Variants in LHFPL6 observed in about 807,000 individuals in gnomAD.
LHFPL6 encodes the protein LHFPL tetraspan subfamily member 6, also known as LHFPL tetraspan subfamily member 6 protein.
A neutral mutation model predicts 20.6 loss-of-function variants in LHFPL6; 9 were observed. The ratio of observed to expected loss-of-function variants is 0.44; its 90% CI spans 0.26 to 0.76. The LOEUF is 0.76. Among genes scored for constraint, LHFPL6 ranks in the 30% least tolerant of loss-of-function variants. The pLI is 0.20. For missense variants in LHFPL6, 218 were observed against 253.5 expected (o/e 0.86, Z 0.95); for synonymous variants, 105 against 98.7 (o/e 1.06, Z -0.38).
intron 2 of LHFPL6, among the ~76,000 whole-genome samples, chr13:39,561,709 G>T (rs1223774487): frequency 1.3e-5 from 2 of 152,104 alleles, no homozygotes; most frequent in African/African-American, 4.8e-5. Flanking sequence ...CTCCCACCTA[G>T]GCCTCCCAAA....
At chr13:39,416,257 T>A (rs1871346071) in intron 2 of LHFPL6, among the ~76,000 whole-genome samples, 2 of 152,206 alleles carry the variant, frequency 1.3e-5, no homozygotes, top group Admixed American at 6.5e-5. Context: ...GGAGGGCTGA[T>A]ATGTTTATCT....
intron 2 of LHFPL6, among the ~76,000 whole-genome samples, chr13:39,414,203 G>A (rs1423714571): frequency 6.6e-6 from 1 of 152,118 alleles, no homozygotes; most frequent in Non-Finnish European, 1.5e-5. Flanking sequence ...AGATCACAGG[G>A]TATAAAAGCA....
rs1360076715 is a variant in LHFPL6, at chr13:39,603,143, T to G, written c.-435A>C. 1 of 152,280 alleles carries G rather than the reference T, an allele frequency of 6.6e-6. No homozygotes were observed. Among genetic ancestry groups the G allele is most frequent in the African/African-American group, 2.4e-5 (1 of 41,442 alleles). The allele number at this position is 152,280 out of a possible 1,614,324, so 9.4% of individuals were successfully genotyped here. A position where few individuals can be genotyped will look rare whatever the true frequency, so the allele number is the denominator to read the frequency against. On this transcript the variant is annotated 5_prime_UTR_variant, in exon 1 of 4. Coordinates refer to ENST00000379589, the MANE Select transcript of LHFPL6 (RefSeq NM_005780.3). Reference sequence around the variant, plus strand: ...CGGCGGCAGCTCTGGCGGAGCGCTGTGGGCGCGCGCGGGCGCCGGGGATCG... The same window carrying G: ...CGGCGGCAGCTCTGGCGGAGCGCTGGGGGCGCGCGCGGGCGCCGGGGATCG...
chr13:39,478,823 T>C (rs773548539), intron 2 of LHFPL6, among the ~76,000 whole-genome samples: 1 of 152,114 alleles, frequency 6.6e-6, no homozygotes, highest in South Asian at 2.1e-4. Context: ...GCCTTAGGAA[T>C]TGGACTGAAA....
At chr13:39,458,134 C>G (rs931345399) in intron 2 of LHFPL6, among the ~76,000 whole-genome samples, 17 of 151,998 alleles carry the variant, frequency 1.1e-4, no homozygotes, top group Non-Finnish European at 1.3e-4. Flanking sequence ...TTTCCAATGA[C>G]AGTTTGCCTT....
At chr13:39,478,398 C>T (rs1458556138) in intron 2 of LHFPL6, among the ~76,000 whole-genome samples, 1 of 152,148 alleles carries the variant, frequency 6.6e-6, no homozygotes, top group African/African-American at 2.4e-5. Context: ...GGAAGCTAGA[C>T]ATGAGCACAC....
chr13:39,487,539 G>A (rs570728499), intron 2 of LHFPL6, among the ~76,000 whole-genome samples: 77 of 152,260 alleles, frequency 5.1e-4, no homozygotes, highest in African/African-American at 1.8e-3. Flanking sequence ...GTGTTCTTAC[G>A]AATTAATCAT....
At chr13:39,513,364 C>T (rs1343502457) in intron 2 of LHFPL6, among the ~76,000 whole-genome samples, 1 of 152,180 alleles carries the variant, frequency 6.6e-6, no homozygotes, top group African/African-American at 2.4e-5. Flanking sequence ...CTCTTATACT[C>T]CCAAGTTTGT....
At chr13:39,531,797 A>G (rs1351152922) in intron 2 of LHFPL6, among the ~76,000 whole-genome samples, 1 of 152,166 alleles carries the variant, frequency 6.6e-6, no homozygotes, top group Non-Finnish European at 1.5e-5. Flanking sequence ...ATTACAGAAC[A>G]TAATTGCATA....
chr13:39,349,818 C>T (rs1349531504), intron 3 of LHFPL6, among the ~76,000 whole-genome samples: 1 of 152,072 alleles, frequency 6.6e-6, no homozygotes, highest in Non-Finnish European at 1.5e-5. Context: ...GAACAGTATG[C>T]TTGGAGTGAG....
At chr13:39,501,866 A>G (rs1265076994) in intron 2 of LHFPL6, among the ~76,000 whole-genome samples, 1 of 152,214 alleles carries the variant, frequency 6.6e-6, no homozygotes, top group South Asian at 2.1e-4. Context: ...CCAAGAGTCA[A>G]GCAATTAACA....
At chr13:39,460,371 CATGGTGGAAATGGTTAATT>C (rs773863146) in intron 2 of LHFPL6, among the ~76,000 whole-genome samples, 1 of 152,128 alleles carries the variant, frequency 6.6e-6, no homozygotes, top group African/African-American at 2.4e-5. Context: ...CAACAAGAAC[CATGGTGGAAATGGTTAATT>C]ATGGTGGAAA....
intron 2 of LHFPL6, among the ~76,000 whole-genome samples, chr13:39,546,856 T>C (rs1427005425): frequency 6.6e-6 from 1 of 152,056 alleles, no homozygotes; most frequent in Non-Finnish European, 1.5e-5. Context: ...CACTCTCAAA[T>C]CCCGTGCTGC....
chr13:39,416,031 A>C (rs1328658963), intron 2 of LHFPL6, among the ~76,000 whole-genome samples: 3 of 152,246 alleles, frequency 2.0e-5, no homozygotes, highest in African/African-American at 7.2e-5. Context: ...AAATGAAGAA[A>C]TGTCCAAGAA....
chr13:39,477,224 G>A lies in LHFPL6; in HGVS notation c.386-98698C>T, dbSNP rs143989924. ...GCCCAGACTCCTCCTTCGTGACTCTGAAGCCTTTTCTAACTATTCCATCTT... is the reference window on the plus strand; with the variant it reads ...GCCCAGACTCCTCCTTCGTGACTCTAAAGCCTTTTCTAACTATTCCATCTT... On this transcript the variant is annotated intron_variant, in intron 2 of 3. Transcript: ENST00000379589. Among the ~76,000 whole-genome samples, 8 of 152,134 alleles carry A rather than the reference G, an allele frequency of 5.3e-5. No homozygotes were observed. The East Asian group carries it at 1.5e-3, about 29-fold the overall frequency.
chr13:39,562,389 CATAT>C lies in LHFPL6; in HGVS notation c.385+38439_385+38442del, dbSNP rs111450691. Among the ~76,000 whole-genome samples, 6 of 40,446 alleles carry C rather than the reference CATAT, an allele frequency of 1.5e-4. 1 individual carries two copies. Among genetic ancestry groups the C allele is most frequent in the Non-Finnish European group, 2.3e-4 (4 of 17,584 alleles). 26.5% of individuals were successfully genotyped at this position (40,446 alleles called of 152,430 possible). A position where few individuals can be genotyped will look rare whatever the true frequency, so the allele number is the denominator to read the frequency against. On this transcript the variant is annotated intron_variant, in intron 2 of 3. Transcript: ENST00000379589. ...ATACATATATACATATATACATATA[CATAT>C]ATATACATATATACACATATACACA...
intron 3 of LHFPL6, among the ~76,000 whole-genome samples, chr13:39,353,332 A>T (rs967397841): frequency 2.6e-5 from 4 of 152,156 alleles, no homozygotes; most frequent in Non-Finnish European, 4.4e-5. Context: ...GATTTGTCAT[A>T]TGCCTATAAA....
intron 3 of LHFPL6, among the ~76,000 whole-genome samples, chr13:39,376,069 C>T (rs1335741105): frequency 6.6e-6 from 1 of 152,078 alleles, no homozygotes; most frequent in African/African-American, 2.4e-5. Context: ...AAGTTTTATT[C>T]CACAATGCTG....
chr13:39,444,182 AAGC>A, intron 2 of LHFPL6, among the ~76,000 whole-genome samples: 1 of 152,308 alleles, frequency 6.6e-6, no homozygotes. Context: ...AGAAATATCT[AAGC>A]AGCAAAGTGT....
Sources: gnomAD v4.1 joint callset for allele counts (sites outside exome capture counted in the v4.1 genomes callset) on GRCh38, gnomAD v4.1.1 for gene constraint, MANE v1.5 for transcripts, NCBI Gene and HGNC (gene_info 2026-07-23, HGNC 2026-07-21) for gene names.